CALN1: variants seen among roughly 807,000 people sequenced by gnomAD.
CALN1 encodes the protein calcium-binding protein 8.
A neutral mutation model predicts 30.6 loss-of-function variants in CALN1; 17 were observed. The ratio of observed to expected loss-of-function variants is 0.56; its 90% CI spans 0.38 to 0.83. The LOEUF is 0.83. Among genes scored for constraint, CALN1 ranks in the 40% least tolerant of loss-of-function variants. The pLI is 0.00. For missense variants in CALN1, 291 were observed against 354.9 expected, an observed-to-expected ratio of 0.82 and a Z score of 1.45; for synonymous variants, 156 against 131.4, an observed-to-expected ratio of 1.19 and a Z score of -1.28.
intron 3 of CALN1, among the ~76,000 whole-genome samples, chr7:72,265,376 T>C (rs1367810937): frequency 6.6e-6 from 1 of 152,180 alleles, no homozygotes; most frequent in African/African-American, 2.4e-5. Flanking sequence ...TATCAAATTC[T>C]TGAGTAGTCC....
At chr7:72,383,501 TGTG>T (rs1439786690) in intron 2 of CALN1, among the ~76,000 whole-genome samples, 1 of 152,174 alleles carries the variant, frequency 6.6e-6, no homozygotes, top group Non-Finnish European at 1.5e-5. Context: ...TGGTTAGTGA[TGTG>T]GAGCATTTTT....
intron 4 of CALN1, among the ~76,000 whole-genome samples, chr7:72,096,748 T>C (rs991170629): frequency 3.3e-5 from 5 of 152,206 alleles, no homozygotes; most frequent in Non-Finnish European, 7.3e-5. Context: ...GAAGACAGTG[T>C]GGCGATTCCT....
intron 2 of CALN1, among the ~76,000 whole-genome samples, chr7:72,388,378 C>T (rs1402351995): frequency 1.3e-5 from 2 of 151,670 alleles, no homozygotes; most frequent in African/African-American, 4.9e-5. Context: ...GCAAAAAAAA[C>T]AAACAAAAAA....
chr7:72,401,670 G>C (rs548187588), intron 2 of CALN1, among the ~76,000 whole-genome samples: 1 of 152,118 alleles, frequency 6.6e-6, no homozygotes, highest in African/African-American at 2.4e-5. Context: ...CACGCTGCTC[G>C]CAACTCTTGC....
chr7:72,034,917 G>C (rs958160820), intron 4 of CALN1, among the ~76,000 whole-genome samples: 2 of 151,246 alleles, frequency 1.3e-5, no homozygotes, highest in Non-Finnish European at 2.9e-5. Context: ...GCTACAATTT[G>C]GTTAAAAAAA....
At chr7:71,921,931 G>GT (rs1280256622) in intron 5 of CALN1, among the ~76,000 whole-genome samples, 2 of 151,872 alleles carry the variant, frequency 1.3e-5, no homozygotes, top group Non-Finnish European at 2.9e-5. Context: ...GTTGAGGCAG[G>GT]TAACAACCTT....
At chr7:72,224,226 A>G (rs1793511107) in intron 3 of CALN1, among the ~76,000 whole-genome samples, 2 of 152,192 alleles carry the variant, frequency 1.3e-5, no homozygotes, top group Admixed American at 1.3e-4. Context: ...ATCTTCTAGG[A>G]GAATTAAAAT....
chr7:72,214,026 C>T (rs1792596066), intron 3 of CALN1, among the ~76,000 whole-genome samples: 1 of 152,170 alleles, frequency 6.6e-6, no homozygotes, highest in African/African-American at 2.4e-5. Flanking sequence ...ACAGGAGGAG[C>T]ACAGGCCTCG....
intron 5 of CALN1, among the ~76,000 whole-genome samples, chr7:71,963,364 T>C (rs1584622811): frequency 9.0e-6 from 1 of 110,698 alleles, no homozygotes; most frequent in Non-Finnish European, 2.1e-5. Flanking sequence ...GGTTTCACCA[T>C]GTTGGCCAGG....
chr7:72,218,647 G>A (rs1457718675), intron 3 of CALN1, among the ~76,000 whole-genome samples: 1 of 152,124 alleles, frequency 6.6e-6, no homozygotes, highest in Non-Finnish European at 1.5e-5. Context: ...CTTTGCTTTA[G>A]TATACAATGT....
intron 4 of CALN1, among the ~76,000 whole-genome samples, chr7:72,040,086 A>G (rs1460122427): frequency 2.6e-5 from 4 of 152,218 alleles, no homozygotes; most frequent in Non-Finnish European, 4.4e-5. Flanking sequence ...TTGAATGAGA[A>G]AACACCCCTT....
chr7:71,905,382 G>GTTTT (rs57155520), intron 5 of CALN1, among the ~76,000 whole-genome samples: 1 of 145,354 alleles, frequency 6.9e-6, no homozygotes. Context: ...CTAATGTGTA[G>GTTTT]TTTTTTTTTT....
At chr7:72,350,306 T>C (rs980181611) in intron 2 of CALN1, among the ~76,000 whole-genome samples, 2 of 152,188 alleles carry the variant, frequency 1.3e-5, no homozygotes, top group Admixed American at 6.5e-5. Flanking sequence ...ATATGAATCG[T>C]TCTACCATAA....
chr7:72,063,372 A>G (rs1469072295), intron 4 of CALN1, among the ~76,000 whole-genome samples: 1 of 152,240 alleles, frequency 6.6e-6, no homozygotes, highest in Non-Finnish European at 1.5e-5. Flanking sequence ...GCAATGCCAT[A>G]AGTCTCTTGG....
chr7:72,487,937 G>A, the CALN1 span, among the ~76,000 whole-genome samples: 22 of 74,476 alleles, frequency 3.0e-4, no homozygotes, highest in African/African-American at 1.3e-3. Context: ...AAGGAAGGAA[G>A]GAAGGAAGGA....
At chr7:72,363,563 T>C (rs1803692906) in intron 2 of CALN1, among the ~76,000 whole-genome samples, 1 of 143,290 alleles carries the variant, frequency 7.0e-6, no homozygotes, top group Non-Finnish European at 1.5e-5. Flanking sequence ...CAAATGCACA[T>C]AAACTTACTT....
chr7:72,267,462 A>T (rs1385099796), intron 3 of CALN1, among the ~76,000 whole-genome samples: 1 of 152,192 alleles, frequency 6.6e-6, no homozygotes, highest in Non-Finnish European at 1.5e-5. Flanking sequence ...CTGAAATTTG[A>T]TTAATCAGCC....
At chr7:72,355,458 AGAGGTGGCAGT>A (rs1309812738) in intron 2 of CALN1, among the ~76,000 whole-genome samples, 1 of 152,140 alleles carries the variant, frequency 6.6e-6, no homozygotes, top group Non-Finnish European at 1.5e-5. Context: ...CCCAGGAGAC[AGAGGTGGCAGT>A]GAGCCGGGAT....
intron 5 of CALN1, among the ~76,000 whole-genome samples, chr7:71,891,170 G>A (rs574428174): frequency 2.0e-5 from 3 of 152,146 alleles, no homozygotes; most frequent in African/African-American, 7.2e-5. Flanking sequence ...CCATAACATA[G>A]GAACATTCTT....
Sources: gnomAD v4.1 joint callset for allele counts (sites outside exome capture counted in the v4.1 genomes callset) on GRCh38, gnomAD v4.1.1 for gene constraint, MANE v1.5 for transcripts, NCBI Gene and HGNC (gene_info 2026-07-23, HGNC 2026-07-21) for gene names.